RMI2: variants seen among roughly 807,000 people sequenced by gnomAD.
RMI2 encodes the protein recQ-mediated genome instability protein 2.
A neutral mutation model predicts 8.4 loss-of-function variants in RMI2; 11 were observed. That is an observed-to-expected ratio of 1.32 (90% CI 0.83 to 2.18). The LOEUF is 2.18. Among genes scored for constraint, RMI2 ranks in the 30% most tolerant of loss-of-function variants. RMI2 has a pLI of 0.00. For missense variants in RMI2, 253 were observed against 207.5 expected (o/e 1.22, Z -1.35); for synonymous variants, 105 against 93.8 (o/e 1.12, Z -0.69).
intron 1 of RMI2, among the ~76,000 whole-genome samples, chr16:11,346,413 C>A (rs914195177): frequency 6.6e-6 from 1 of 152,156 alleles, no homozygotes; most frequent in Non-Finnish European, 1.5e-5. Context: ...GCATGTGCCA[C>A]CACACCCGGC....
chr16:11,349,625 G>T lies in RMI2; in HGVS notation c.296-1017G>T, dbSNP rs1286064768. 1.3e-5 allele frequency among the ~76,000 whole-genome samples: 2 copies of T among 152,190 alleles called. No individual in the cohort carries two copies. The highest frequency in any genetic ancestry group is 2.4e-5 in the African/African-American group (1 of 41,448). ...TAGCCTCTGTCACGGAGGGACCCAG[G>T]TGGAATGTGGGGTTGGAGTTCTGAG... On this transcript the variant is annotated intron_variant, in intron 1 of 1. Transcript: ENST00000312499. The surrounding 1 kb of genome is among the most constrained non-coding windows in gnomAD (Gnocchi z 4.2).
Position 11,349,415 on chromosome 16 carries a change from C to G in RMI2, c.296-1227C>G, listed in dbSNP as rs1262657227. ...CAAGGTCAATTTGTCCCATCGCGTG[C>G]CTTCGAGTTCATCCGGCTGGCTGTG... On this transcript the variant is annotated intron_variant, in intron 1 of 1. Coordinates refer to ENST00000312499, the MANE Select transcript of RMI2 (RefSeq NM_152308.3). The surrounding 1 kb of genome is among the most constrained non-coding windows in gnomAD (Gnocchi z 4.2). The G allele has an allele frequency of 6.6e-6, 1 of 152,402 alleles. No individual in the cohort carries two copies. Among genetic ancestry groups the G allele is most frequent in the Non-Finnish European group, 1.5e-5 (1 of 68,160 alleles). 9.4% of individuals were successfully genotyped at this position (152,402 alleles called of 1,614,324 possible). A position where few individuals can be genotyped will look rare whatever the true frequency, so the allele number is the denominator to read the frequency against.
Position 11,345,533 on chromosome 16 carries a change from C to CCCGCGGGGGTGCG in RMI2, c.62_63insCCGCGGGGGTGCG (p.Pro22ArgfsTer97). 7.8e-7 allele frequency: 1 copy of CCCGCGGGGGTGCG among 1,286,826 alleles called. No homozygotes were observed. The highest frequency in any genetic ancestry group is 9.9e-7 in the Non-Finnish European group (1 of 1,014,066). The allele number at this position is 1,286,826 out of a possible 1,614,324, so 79.7% of individuals were successfully genotyped here. ...GCGGGGGTGCGGCTTCCGAGGTCGC[C>CCCGCGGGGGTGCG]GCCACTCAAGGTGCTGGCGGAGCAG... On this transcript the variant is annotated frameshift_variant, in exon 1 of 2. Transcript: ENST00000312499. LOFTEE classifies it high-confidence loss of function.
chr16:11,350,152 G>A (rs1250254918), intron 1 of RMI2, among the ~76,000 whole-genome samples: 1 of 152,204 alleles, frequency 6.6e-6, no homozygotes, highest in Non-Finnish European at 1.5e-5. Context: ...ATTGAGCAAG[G>A]AACAGGATTA....
At position 11,350,906 on chromosome 16, in the gene RMI2, A is replaced by T; in HGVS notation, c.*116A>T. On this transcript the variant is annotated 3_prime_UTR_variant, in exon 2 of 2. Coordinates refer to ENST00000312499, the MANE Select transcript of RMI2 (RefSeq NM_152308.3). ...CGTATTTTTCAAATGCTTCTCAGAG[A>T]GCCTTGCTTTGGTTGACCAAGGAGT... 2.2e-6 allele frequency: 2 copies of T among 893,564 alleles called. No homozygotes were observed. The highest frequency in any genetic ancestry group is 3.3e-6 in the Non-Finnish European group (2 of 612,328). 55.4% of individuals were successfully genotyped at this position (893,564 alleles called of 1,614,324 possible). A position where few individuals can be genotyped will look rare whatever the true frequency, so the allele number is the denominator to read the frequency against.
chr16:11,345,852 T>C, intron 1 of RMI2, 86 bp downstream of exon 1: 1 of 1,079,228 alleles, frequency 9.3e-7, no homozygotes, highest in Non-Finnish European at 1.2e-6. Context: ...TTGTTGACAC[T>C]CGAACGGGGG....
chr16:11,345,733 C>A lies in RMI2; in HGVS notation c.262C>A (p.Arg88=). The change falls in exon 1 of 2, where the codon CGG becomes AGG. Residue 88 remains arginine (R), a synonymous_variant. Coordinates refer to ENST00000312499, the MANE Select transcript of RMI2 (RefSeq NM_152308.3). ...SGDFSVRGLE[R]VPRGRPCLVP... ...GGACTTCTCGGTCCGCGGCCTGGAG[C>A]GGGTGCCGCGCGGGCGGCCCTGTCT... 1 of 1,246,084 alleles carries A rather than the reference C, an allele frequency of 8.0e-7. No homozygotes were observed. Among genetic ancestry groups the A allele is most frequent in the Non-Finnish European group, 1.0e-6 (1 of 996,026 alleles). 77.2% of individuals were successfully genotyped at this position (1,246,084 alleles called of 1,614,324 possible).
intron 1 of RMI2, chr16:11,348,479 C>G (rs749262051): frequency 3.9e-5 from 6 of 152,422 alleles, no homozygotes; most frequent in African/African-American, 1.4e-4. Flanking sequence ...GACATACCCA[C>G]TGGCCTGAAT....
intron 1 of RMI2, among the ~76,000 whole-genome samples, chr16:11,347,503 A>G (rs949663046): frequency 1.3e-5 from 2 of 152,194 alleles, no homozygotes; most frequent in African/African-American, 4.8e-5. Flanking sequence ...GACTTGTACT[A>G]TTTTGTAAAA....
Position 11,350,848 on chromosome 16 carries a change from T to G in RMI2, c.*58T>G. The G allele has an allele frequency of 2.1e-6, 3 of 1,421,864 alleles. No homozygotes were observed. Among genetic ancestry groups the G allele is most frequent in the Non-Finnish European group, 2.9e-6 (3 of 1,036,654 alleles). The allele number at this position is 1,421,864 out of a possible 1,614,324, so 88.1% of individuals were successfully genotyped here. ...AATCCCGAAACTATTTAGAAGCTTA[T>G]AATGATGTGGATTTCATGGACACTT... On this transcript the variant is annotated 3_prime_UTR_variant, in exon 2 of 2. Coordinates refer to ENST00000312499, the MANE Select transcript of RMI2 (RefSeq NM_152308.3).
In RMI2 at chr16:11,345,659, G is replaced by T. The variant is rs534362737; in HGVS notation, c.188G>T (p.Arg63Met). ...LDLAAVWMQG[R>M]VVMADRGEAR... is the part of the protein sequence containing the mutation. ...CTGGCGGCCGTGTGGATGCAGGGCA[G>T]GGTAGTGATGGCGGACCGCGGCGAG... The change falls in exon 1 of 2, where the codon AGG becomes ATG. Residue 63 changes from arginine to methionine, a missense_variant. Transcript: ENST00000312499. 3 of 1,270,820 alleles carry T rather than the reference G, an allele frequency of 2.4e-6. No individual in the cohort carries two copies. The East Asian group carries it at 8.7e-5, about 37-fold the overall frequency. The allele number at this position is 1,270,820 out of a possible 1,614,324, so 78.7% of individuals were successfully genotyped here. A position where few individuals can be genotyped will look rare whatever the true frequency, so the allele number is the denominator to read the frequency against.
In RMI2 at chr16:11,345,460, C is replaced by T. The variant is rs1394477723; in HGVS notation, c.-12C>T. On this transcript the variant is annotated 5_prime_UTR_variant, in exon 1 of 2. Transcript: ENST00000312499. ...AAAGCGGAGGCGGGGCGGAAGGGTGCGGCGAGGCGGAATGGCGGCGGCTGC... is the reference window on the plus strand; with the variant it reads ...AAAGCGGAGGCGGGGCGGAAGGGTGTGGCGAGGCGGAATGGCGGCGGCTGC... 7.7e-6 allele frequency: 10 copies of T among 1,295,814 alleles called. No individual in the cohort carries two copies. Among genetic ancestry groups the T allele is most frequent in the Non-Finnish European group, 7.8e-6 (8 of 1,019,170 alleles). 80.3% of individuals were successfully genotyped at this position (1,295,814 alleles called of 1,614,324 possible).
At position 11,345,459 on chromosome 16, in the gene RMI2, G is replaced by A. The variant is rs1163405969; in HGVS notation, c.-13G>A. On this transcript the variant is annotated 5_prime_UTR_variant, in exon 1 of 2. Coordinates refer to ENST00000312499, the MANE Select transcript of RMI2 (RefSeq NM_152308.3). ...GAAAGCGGAGGCGGGGCGGAAGGGTGCGGCGAGGCGGAATGGCGGCGGCTG... is the reference window on the plus strand; with the variant it reads ...GAAAGCGGAGGCGGGGCGGAAGGGTACGGCGAGGCGGAATGGCGGCGGCTG... 2 of 1,297,288 alleles carry A rather than the reference G, an allele frequency of 1.5e-6. No homozygotes were observed. The highest frequency in any genetic ancestry group is 9.8e-7 in the Non-Finnish European group (1 of 1,020,080). 80.4% of individuals were successfully genotyped at this position (1,297,288 alleles called of 1,614,324 possible).
In RMI2 at chr16:11,351,619, T is replaced by C. The variant is rs887191797; in HGVS notation, c.*829T>C. ...CTTTTTGCTGTGATGGTTTTGAATG[T>C]TGGGTTTCTGCTGTCTGCTTAGTAC... On this transcript the variant is annotated 3_prime_UTR_variant, in exon 2 of 2. Coordinates refer to ENST00000312499, the MANE Select transcript of RMI2 (RefSeq NM_152308.3). 1 of 231,888 alleles carries C rather than the reference T, an allele frequency of 4.3e-6. No homozygotes were observed. The highest frequency in any genetic ancestry group is 8.5e-6 in the Non-Finnish European group (1 of 117,196). 14.4% of individuals were successfully genotyped at this position (231,888 alleles called of 1,614,324 possible).
rs570497273 is a variant in RMI2 at position 11,350,547 on chromosome 16, G to A, written c.296-95G>A. On this transcript the variant is annotated intron_variant, in intron 1 of 1. Transcript: ENST00000312499. ...GGAGGCTGCAATGAGCCGAGATTGT[G>A]CCACTGCACTCCAGCCTGGGCGACA... The A allele has an allele frequency of 7.2e-5, 76 of 1,048,614 alleles. No individual in the cohort carries two copies. In the East Asian group the frequency reaches 1.7e-3, roughly 24 times the overall value. The allele number at this position is 1,048,614 out of a possible 1,614,324, so 65.0% of individuals were successfully genotyped here.
rs1429988725 is a variant in RMI2 at position 11,349,560 on chromosome 16, T to C, written c.296-1082T>C. Among the ~76,000 whole-genome samples, 1 of 152,204 alleles carries C rather than the reference T, an allele frequency of 6.6e-6. No individual in the cohort carries two copies. Among genetic ancestry groups the C allele is most frequent in the Non-Finnish European group, 1.5e-5 (1 of 68,028 alleles). ...GTGTGTTCCAACCCTACCAGCACTT[T>C]AGGCCCCTTCAGAGGGGATGGCAAG... On this transcript the variant is annotated intron_variant, in intron 1 of 1. Coordinates refer to ENST00000312499, the MANE Select transcript of RMI2 (RefSeq NM_152308.3). This position sits in a 1 kb window ranked among gnomAD's most constrained non-coding sequence, Gnocchi z 4.2.
intron 1 of RMI2, 130 bp downstream of exon 1, chr16:11,345,896 C>T (rs1468624072): frequency 3.0e-6 from 2 of 670,996 alleles, no homozygotes; most frequent in Non-Finnish European, 4.2e-6. Context: ...GGGCCTCTGC[C>T]CCTGCGGGTC....
chr16:11,346,255 C>CTTTTTTTTTTTTTTTTTTTT (rs34808246), intron 1 of RMI2, among the ~76,000 whole-genome samples: 1 of 115,934 alleles, frequency 8.6e-6, no homozygotes, highest in Non-Finnish European at 1.8e-5. Context: ...TGCCTCCTCT[C>CTTTTTTTTTTTTTTTTTTTT]TTTTTTTTTT....
Position 11,345,520 on chromosome 16 carries a change from C to T in RMI2, c.49C>T (p.Leu17Phe), listed in dbSNP as rs549747817. 3.1e-6 allele frequency: 4 copies of T among 1,295,690 alleles called. No individual in the cohort carries two copies. The highest frequency in any genetic ancestry group is 3.1e-5 in the East Asian group (1 of 32,006). 80.3% of individuals were successfully genotyped at this position (1,295,690 alleles called of 1,614,324 possible). ...CTCAGGCGGCCCCGCGGGGGTGCGG[C>T]TTCCGAGGTCGCCGCCACTCAAGGT... ...SFSGGPAGVR[L>F]PRSPPLKVLA... Residue 17 changes from leucine (L) to phenylalanine (F), a missense_variant, in exon 1 of 2, where the codon CTT (leucine) becomes TTT (phenylalanine). Transcript: ENST00000312499.
Sources: gnomAD v4.1 joint callset for allele counts (sites outside exome capture counted in the v4.1 genomes callset) on GRCh38, gnomAD v4.1.1 for gene constraint, Gnocchi (gnomAD v3.1) non-coding constraint, MANE v1.5 for transcripts, NCBI Gene and HGNC (gene_info 2026-07-23, HGNC 2026-07-21) for gene names.